Variants in NKAIN2 observed in about 807,000 individuals in gnomAD.
The protein encoded by NKAIN2 is sodium/potassium-transporting ATPase subunit beta-1-interacting protein 2.
In NKAIN2, 14 loss-of-function variants were observed where a neutral mutation model predicts 32.6. The observed-to-expected ratio is 0.43, with a 90% CI of 0.28 to 0.67. The LOEUF is 0.67. NKAIN2 is among the 30% of genes least tolerant of loss of function. NKAIN2 has a pLI of 0.17. For missense variants in NKAIN2, 198 were observed against 258.3 expected, an observed-to-expected ratio of 0.77 and a Z score of 1.60; for synonymous variants, 80 against 87.2, an observed-to-expected ratio of 0.92 and a Z score of 0.46.
chr6:124,159,088 C>T (rs192408064), intron 1 of NKAIN2, among the ~76,000 whole-genome samples: 1 of 152,248 alleles, frequency 6.6e-6, no homozygotes, highest in African/African-American at 2.4e-5. Context: ...CTGTCTTTTA[C>T]TCAATTAGTC....
intron 1 of NKAIN2, among the ~76,000 whole-genome samples, chr6:123,867,404 C>T (rs991866267): frequency 2.0e-5 from 3 of 152,038 alleles, no homozygotes; most frequent in African/African-American, 7.2e-5. Flanking sequence ...TTGGTTGATT[C>T]GTTAAAAGTT....
At chr6:124,528,807 T>C (rs1344698092) in intron 3 of NKAIN2, among the ~76,000 whole-genome samples, 2 of 152,088 alleles carry the variant, frequency 1.3e-5, no homozygotes, top group African/African-American at 4.8e-5. Context: ...AACCTAGCAA[T>C]GAAAATCAAC....
At chr6:124,625,465 A>G (rs1016253714) in intron 3 of NKAIN2, among the ~76,000 whole-genome samples, 1 of 152,168 alleles carries the variant, frequency 6.6e-6, no homozygotes, top group Non-Finnish European at 1.5e-5. Flanking sequence ...GTGGGAAATC[A>G]TAGTCCTTTG....
intron 1 of NKAIN2, among the ~76,000 whole-genome samples, chr6:124,121,086 G>A (rs1280763178): frequency 6.6e-6 from 1 of 152,066 alleles, no homozygotes; most frequent in African/African-American, 2.4e-5. Context: ...AATCTTTTCT[G>A]CAAACGGATA....
chr6:123,921,778 T>C (rs1259873281), intron 1 of NKAIN2, among the ~76,000 whole-genome samples: 1 of 152,184 alleles, frequency 6.6e-6, no homozygotes, highest in Non-Finnish European at 1.5e-5. Context: ...TAGCACTTTG[T>C]GACCACCATT....
intron 4 of NKAIN2, among the ~76,000 whole-genome samples, chr6:124,777,242 T>C: frequency 6.6e-6 from 1 of 152,146 alleles, no homozygotes; most frequent in East Asian, 1.9e-4. Flanking sequence ...GTCTATGAAG[T>C]GTATATTCTA....
intron 4 of NKAIN2, among the ~76,000 whole-genome samples, chr6:124,725,742 T>A: frequency 6.6e-6 from 1 of 152,124 alleles, no homozygotes; most frequent in East Asian, 1.9e-4. Flanking sequence ...GGTCTACAGC[T>A]CCCAGTGTGA....
chr6:124,362,127 A>C (rs1799315846), intron 3 of NKAIN2, among the ~76,000 whole-genome samples: 1 of 152,092 alleles, frequency 6.6e-6, no homozygotes, highest in Non-Finnish European at 1.5e-5. Context: ...TTAAGACAAA[A>C]TTTAACAAAT....
At chr6:124,785,042 T>C (rs1371345909) in intron 4 of NKAIN2, among the ~76,000 whole-genome samples, 1 of 152,170 alleles carries the variant, frequency 6.6e-6, no homozygotes, top group Non-Finnish European at 1.5e-5. Context: ...GACCTACTTC[T>C]CCTTTTCCTT....
At chr6:124,634,468 G>A (rs9482568) in intron 3 of NKAIN2, among the ~76,000 whole-genome samples, 5,100 of 151,970 alleles carry the variant, frequency 0.034, 151 homozygotes, top group African/African-American at 0.083. Flanking sequence ...AAGTACAATT[G>A]AGCACTTCAA....
At chr6:124,339,832 G>T (rs957353625) in intron 2 of NKAIN2, among the ~76,000 whole-genome samples, 4 of 152,078 alleles carry the variant, frequency 2.6e-5, no homozygotes, top group Admixed American at 2.0e-4. Context: ...TGGAAGGTCG[G>T]GGGAGGCCAG....
chr6:124,814,740 C>T (rs1405450311), intron 5 of NKAIN2, among the ~76,000 whole-genome samples: 1 of 152,116 alleles, frequency 6.6e-6, no homozygotes, highest in African/African-American at 2.4e-5. Flanking sequence ...TCAAGCTTTG[C>T]TGTCCATTTT....
At chr6:124,617,415 C>T (rs1782949204) in intron 3 of NKAIN2, among the ~76,000 whole-genome samples, 1 of 152,150 alleles carries the variant, frequency 6.6e-6, no homozygotes. Flanking sequence ...TCAAATCATT[C>T]TTTCTTTTTC....
At chr6:124,707,482 C>G (rs1431381337) in intron 4 of NKAIN2, among the ~76,000 whole-genome samples, 6 of 148,186 alleles carry the variant, frequency 4.0e-5, no homozygotes, top group African/African-American at 1.5e-4. Context: ...TCCTATTTCT[C>G]CACATCCTCT....
At chr6:124,316,254 C>T (rs1555378) in intron 2 of NKAIN2, among the ~76,000 whole-genome samples, 19,034 of 151,988 alleles carry the variant, frequency 0.13, 1,414 homozygotes, top group East Asian at 0.24. Context: ...CATAAATGTG[C>T]ACACCTATTA....
intron 4 of NKAIN2, among the ~76,000 whole-genome samples, chr6:124,743,135 C>G (rs1055396800): frequency 6.6e-6 from 1 of 151,804 alleles, no homozygotes; most frequent in African/African-American, 2.4e-5. Context: ...GTCAGATCAC[C>G]TGGGACAAAC....
chr6:124,358,623 G>GT (rs1799108827), intron 3 of NKAIN2, among the ~76,000 whole-genome samples: 1 of 152,038 alleles, frequency 6.6e-6, no homozygotes, highest in South Asian at 2.1e-4. Context: ...TGATGGGGTT[G>GT]TTTTTTTCTT....
In NKAIN2 at chr6:124,647,213, C is replaced by T. The variant is rs1273462289; in HGVS notation, c.274-10973C>T. On this transcript the variant is annotated intron_variant, in intron 3 of 6. Transcript: ENST00000368417. ...AAGAAAGTAATATTTAGGAGAAGTACAGAGAAGGCATCATTTATATTGTAT... is the reference window on the plus strand; with the variant it reads ...AAGAAAGTAATATTTAGGAGAAGTATAGAGAAGGCATCATTTATATTGTAT... Among the ~76,000 whole-genome samples, 9 of 151,672 alleles carry T rather than the reference C, an allele frequency of 5.9e-5. No individual in the cohort carries two copies. The East Asian group carries it at 1.6e-3, about 26-fold the overall frequency.
At chr6:124,435,839 A>G (rs986627182) in intron 3 of NKAIN2, among the ~76,000 whole-genome samples, 77 of 152,188 alleles carry the variant, frequency 5.1e-4, no homozygotes, top group Non-Finnish European at 1.0e-4. Flanking sequence ...CCTAACTAAC[A>G]TTCTATAGTC....
Sources: allele counts gnomAD v4.1 joint callset (sites outside exome capture counted in the v4.1 genomes callset), GRCh38; gene constraint gnomAD v4.1.1; transcripts MANE v1.5; gene names NCBI Gene and HGNC (gene_info 2026-07-23, HGNC 2026-07-21).